EDA2R: variants seen among roughly 807,000 people sequenced by gnomAD.
EDA2R encodes the protein tumor necrosis factor receptor superfamily member 27.
A neutral mutation model predicts 20.1 loss-of-function variants in EDA2R; 26 were observed. That is an observed-to-expected ratio of 1.30 (90% confidence interval 0.95 to 1.80). The LOEUF (loss-of-function observed/expected upper bound fraction) is 1.80, where lower values mean the gene tolerates loss of function less well. EDA2R is among the 40% of genes most tolerant of loss of function. EDA2R has a pLI of 0.00. For synonymous variants in EDA2R, 114 were observed against 88.7 expected, an observed-to-expected ratio of 1.29 and a Z score of -1.60; for missense variants, 277 against 228.7, an observed-to-expected ratio of 1.21 and a Z score of -1.36.
At chrX:66,629,019 C>T (rs766734510) in intron 1 of EDA2R, among the ~76,000 whole-genome samples, 12 of 111,490 alleles carry the variant, frequency 1.1e-4, no homozygotes, top group South Asian at 3.8e-4. Flanking sequence ...ATACCAGGGA[C>T]GCAGGGATGG....
rs748610046 is a variant in EDA2R at position 66,628,966 on chromosome X, A to G, written c.-11+10029T>C. 1.2e-4 allele frequency among the ~76,000 whole-genome samples: 13 copies of G among 111,905 alleles called. No individual in the cohort carries two copies. In the East Asian group the frequency reaches 3.4e-3, roughly 29 times the overall value. On this transcript the variant is annotated intron_variant, in intron 1 of 6. Transcript: ENST00000374719. ...ACACAATACTAGCTAACTGAATTCA[A>G]CAACATATCAAAAAGATAATCCACC...
intron 1 of EDA2R, among the ~76,000 whole-genome samples, chrX:66,618,500 A>G (rs1373235139): frequency 8.9e-6 from 1 of 112,295 alleles, no homozygotes; most frequent in Admixed American, 9.4e-5. Context: ...GGTATTCCAT[A>G]CTGCAGCTAG....
chrX:66,604,196 A>T (rs1209904462), intron 4 of EDA2R, among the ~76,000 whole-genome samples: 1 of 112,159 alleles, frequency 8.9e-6, no homozygotes, highest in Non-Finnish European at 1.9e-5. Flanking sequence ...AATGATTATC[A>T]TGACTCACCC....
chrX:66,630,559 T>C, intron 1 of EDA2R, among the ~76,000 whole-genome samples: 1 of 111,075 alleles, frequency 9.0e-6, no homozygotes, highest in Non-Finnish European at 1.9e-5. Flanking sequence ...TCAAAAAAGA[T>C]ATACAAATGG....
At chrX:66,636,415 G>C (rs776154604) in intron 1 of EDA2R, among the ~76,000 whole-genome samples, 9 of 110,356 alleles carry the variant, frequency 8.2e-5, no homozygotes, top group Non-Finnish European at 1.3e-4. Context: ...AAGATGCAGG[G>C]GGATCTGATC....
At chrX:66,609,392 G>T (rs1312756768) in intron 2 of EDA2R, among the ~76,000 whole-genome samples, 1 of 111,587 alleles carries the variant, frequency 9.0e-6, no homozygotes, top group Non-Finnish European at 1.9e-5. Flanking sequence ...TCAATGCCTT[G>T]CAGCCTCACT....
intron 2 of EDA2R, among the ~76,000 whole-genome samples, chrX:66,611,365 C>A (rs1930706828): frequency 8.9e-6 from 1 of 111,734 alleles, no homozygotes; most frequent in Non-Finnish European, 1.9e-5. Flanking sequence ...AATTAACTGA[C>A]AGCAACTCTT....
At chrX:66,613,889 A>C (rs1260520630) in intron 2 of EDA2R, among the ~76,000 whole-genome samples, 1 of 111,729 alleles carries the variant, frequency 9.0e-6, no homozygotes, top group Non-Finnish European at 1.9e-5. Context: ...AAAGGCTATC[A>C]GATGCTTCTA....
chrX:66,630,224 A>G (rs988632578), intron 1 of EDA2R, among the ~76,000 whole-genome samples: 3 of 112,159 alleles, frequency 2.7e-5, no homozygotes, highest in Non-Finnish European at 5.6e-5. Context: ...CTAAGACCCG[A>G]ATCTATAAAA....
chrX:66,599,401 G>T, intron 6 of EDA2R, 73 bp downstream of exon 6: 1 of 1,037,074 alleles, frequency 9.6e-7, no homozygotes, highest in Non-Finnish European at 1.3e-6. Flanking sequence ...TTCCAAAAGA[G>T]AATTCCTTGA....
chrX:66,616,132 G>A (rs1455587512), intron 1 of EDA2R, 102 bp from the exon 2 acceptor site: 9 of 525,149 alleles, frequency 1.7e-5, no homozygotes, highest in Non-Finnish European at 2.6e-5. Context: ...CTATTCTCTA[G>A]ATCTGAGATA....
chrX:66,617,496 C>G (rs902189079), intron 1 of EDA2R, among the ~76,000 whole-genome samples: 19 of 111,789 alleles, frequency 1.7e-4, no homozygotes, highest in African/African-American at 5.8e-4. Flanking sequence ...AAGTTAAGCA[C>G]CACAGTAACA....
At chrX:66,621,451 A>G (rs1932604540) in intron 1 of EDA2R, among the ~76,000 whole-genome samples, 1 of 112,373 alleles carries the variant, frequency 8.9e-6, no homozygotes, top group Non-Finnish European at 1.9e-5. Flanking sequence ...CCTGTAAACA[A>G]ATGTTCCTAG....
At chrX:66,622,094 C>T (rs981189174) in intron 1 of EDA2R, among the ~76,000 whole-genome samples, 20 of 111,623 alleles carry the variant, frequency 1.8e-4, no homozygotes, top group African/African-American at 5.5e-4. Flanking sequence ...GTTGTATATA[C>T]CTTGATTGTG....
At chrX:66,598,800 G>A (rs1008228850) in intron 6 of EDA2R, among the ~76,000 whole-genome samples, 11 of 112,044 alleles carry the variant, frequency 9.8e-5, no homozygotes, top group African/African-American at 3.6e-4. Context: ...AGTGGGCACT[G>A]CAAGATATTT....
chrX:66,608,366 T>C (rs1392797377), intron 2 of EDA2R, among the ~76,000 whole-genome samples: 1 of 110,728 alleles, frequency 9.0e-6, no homozygotes, highest in Non-Finnish European at 1.9e-5. Context: ...CCAAGCAGAG[T>C]AAACATAAAG....
intron 1 of EDA2R, among the ~76,000 whole-genome samples, chrX:66,638,107 G>A (rs1374321597): frequency 1.8e-5 from 2 of 111,885 alleles, no homozygotes; most frequent in Admixed American, 1.9e-4. Context: ...ATATTTATCC[G>A]TGTTTTTATA....
rs1018441923 is a variant in EDA2R at position 66,604,351 on chromosome X, T to A, written c.352+70A>T. ...AAAAGGTATGAGGGGATATGGGTAG[T>A]CTTTACTACCCTATCTTGCTGCCAC... On this transcript the variant is annotated intron_variant, in intron 4 of 6. Coordinates refer to ENST00000374719, the MANE Select transcript of EDA2R (RefSeq NM_021783.5). 2.6e-5 allele frequency: 26 copies of A among 1,011,634 alleles called. No homozygotes were observed. The Admixed American group carries it at 6.4e-4, about 25-fold the overall frequency. 83.4% of individuals were successfully genotyped at this position (1,011,634 alleles called of 1,213,427 possible). A position where few individuals can be genotyped will look rare whatever the true frequency, so the allele number is the denominator to read the frequency against.
chrX:66,611,959 C>T (rs1480120671), intron 2 of EDA2R, among the ~76,000 whole-genome samples: 2 of 110,993 alleles, frequency 1.8e-5, no homozygotes, highest in Non-Finnish European at 3.8e-5. Context: ...TATAGAAAAA[C>T]ACCCATTCAA....
Sources: allele counts gnomAD v4.1 joint callset (sites outside exome capture counted in the v4.1 genomes callset), GRCh38; gene constraint gnomAD v4.1.1; transcripts MANE v1.5; gene names NCBI Gene and HGNC (gene_info 2026-07-23, HGNC 2026-07-21).